The following WDHD1 variants were observed in gnomAD, a reference collection of about 807,000 sequenced individuals.
WDHD1 encodes WD repeat and HMG-box DNA binding protein 1, also known as WD repeat and HMG-box DNA-binding protein 1.
Under a neutral mutation model 135.4 loss-of-function variants are expected in WDHD1, and 111 were observed. The ratio of observed to expected loss-of-function variants is 0.82; its 90% confidence interval spans 0.70 to 0.96. WDHD1 has a LOEUF of 0.96. Ranked by LOEUF, WDHD1 falls within the 40% of genes least tolerant of loss-of-function variation. WDHD1 has a pLI of 0.00. For missense variants in WDHD1, 1,351 were observed against 1,336.3 expected (o/e 1.01, Z -0.17); for synonymous variants, 434 against 439.0 (o/e 0.99, Z 0.14).
chr14:54,973,220 T>C (rs531676517), intron 16 of WDHD1, among the ~76,000 whole-genome samples: 104 of 152,272 alleles, frequency 6.8e-4, no homozygotes, highest in African/African-American at 2.1e-3. Flanking sequence ...ATTTATAGTA[T>C]AGCCTTTTAA....
intron 11 of WDHD1, among the ~76,000 whole-genome samples, chr14:54,992,043 C>A (rs558053775): frequency 6.6e-6 from 1 of 152,116 alleles, no homozygotes; most frequent in Non-Finnish European, 1.5e-5. Flanking sequence ...CACTTAAGGT[C>A]GGGAGTTCCA....
At chr14:54,968,601 T>G (rs1291859669) in intron 16 of WDHD1, among the ~76,000 whole-genome samples, 1 of 151,772 alleles carries the variant, frequency 6.6e-6, no homozygotes, top group Non-Finnish European at 1.5e-5. Flanking sequence ...ATAAACAAGA[T>G]CGATAAACTC....
At chr14:54,980,357 T>G in intron 16 of WDHD1, among the ~76,000 whole-genome samples, 1 of 151,910 alleles carries the variant, frequency 6.6e-6, no homozygotes, top group East Asian at 1.9e-4. Flanking sequence ...GTGGTTTTTT[T>G]GTATATTCAC....
At chr14:54,961,840 C>CT (rs548999730) in intron 21 of WDHD1, among the ~76,000 whole-genome samples, 13,346 of 143,128 alleles carry the variant, frequency 0.093, 701 homozygotes, top group South Asian at 0.16. Flanking sequence ...TTTTCAACTC[C>CT]TTTTTTTTTT....
chr14:54,955,516 A>G (rs2041137656), intron 24 of WDHD1, 45 bp downstream of exon 24: 4 of 1,454,974 alleles, frequency 2.7e-6, no homozygotes, highest in Non-Finnish European at 3.6e-6. Context: ...GCTACTGTAT[A>G]CTTTTTACTT....
At chr14:55,012,179 AATGT>A (rs1444179235) in intron 3 of WDHD1, among the ~76,000 whole-genome samples, 3 of 152,208 alleles carry the variant, frequency 2.0e-5, no homozygotes, top group Non-Finnish European at 4.4e-5. Flanking sequence ...GCTTACATTT[AATGT>A]ATGTTGGTCA....
chr14:55,018,854 T>C (rs941536930), intron 2 of WDHD1, among the ~76,000 whole-genome samples: 1 of 151,894 alleles, frequency 6.6e-6, no homozygotes, highest in Non-Finnish European at 1.5e-5. Flanking sequence ...AGAAACCCCA[T>C]CTCTACTAAA....
chr14:55,013,194 C>CAAAAAAAAA lies in WDHD1; in HGVS notation c.189+282_189+290dup, dbSNP rs71448422. Among the ~76,000 whole-genome samples the CAAAAAAAAA allele has an allele frequency of 2.6e-3, 214 of 82,310 alleles. 10 individuals carry two copies. Among genetic ancestry groups the CAAAAAAAAA allele is most frequent in the African/African-American group, 0.011 (205 of 19,316 alleles). The allele number at this position is 82,310 out of a possible 152,430, so 54.0% of individuals were successfully genotyped here. A position where few individuals can be genotyped will look rare whatever the true frequency, so the allele number is the denominator to read the frequency against. ...TGAGCAACATGGCAAGATCCCGTTT[C>CAAAAAAAAA]AAAAAAAAAAAAAAAAAAAAAAAAT... is the stretch of plus-strand genomic sequence containing the variant. On this transcript the variant is annotated intron_variant, in intron 3 of 25. Coordinates refer to ENST00000360586, the MANE Select transcript of WDHD1 (RefSeq NM_007086.4).
At chr14:54,968,005 A>C (rs894848919) in intron 16 of WDHD1, among the ~76,000 whole-genome samples, 8 of 152,200 alleles carry the variant, frequency 5.3e-5, no homozygotes, top group Non-Finnish European at 1.0e-4. Flanking sequence ...CACTTTTAAA[A>C]CATAAAAATT....
chr14:55,023,541 T>C (rs947684127), intron 2 of WDHD1, among the ~76,000 whole-genome samples: 1 of 152,362 alleles, frequency 6.6e-6, no homozygotes, highest in South Asian at 2.1e-4. Context: ...CTTAGGAGTA[T>C]GTCCAGCATC....
chr14:54,982,919 C>T (rs1023575897), intron 15 of WDHD1, among the ~76,000 whole-genome samples: 3 of 152,148 alleles, frequency 2.0e-5, no homozygotes, highest in Admixed American at 6.5e-5. Context: ...AATCCCAGCA[C>T]TTTGAGAGGC....
At chr14:55,026,616 C>T (rs1594604389) in intron 2 of WDHD1, 95 bp downstream of exon 2, 1 of 1,194,480 alleles carries the variant, frequency 8.4e-7, no homozygotes, top group East Asian at 2.3e-5. Flanking sequence ...ATTCCTCTAT[C>T]CGCATGAGTC....
At chr14:54,967,152 G>T (rs2041357926) in intron 17 of WDHD1, 128 bp downstream of exon 17, 2 of 743,946 alleles carry the variant, frequency 2.7e-6, no homozygotes, top group Middle Eastern at 3.2e-4. Flanking sequence ...TTCCCTCCCT[G>T]CTACCCCTAT....
At chr14:54,963,830 G>C (rs2041297302) in intron 18 of WDHD1, among the ~76,000 whole-genome samples, 1 of 151,848 alleles carries the variant, frequency 6.6e-6, no homozygotes, top group Admixed American at 6.6e-5. Flanking sequence ...AAATCAAGGG[G>C]GCCAGGTGTG....
chr14:54,962,924 A>T (rs2041276427), intron 19 of WDHD1, 28 bp downstream of exon 19: 2 of 1,612,810 alleles, frequency 1.2e-6, no homozygotes, highest in South Asian at 2.2e-5. Context: ...CAGTAAAGGA[A>T]AATTCAAACA....
intron 2 of WDHD1, among the ~76,000 whole-genome samples, chr14:55,019,971 G>A (rs770000104): frequency 2.6e-5 from 4 of 152,072 alleles, no homozygotes; most frequent in Non-Finnish European, 4.4e-5. Context: ...GATTACCAAC[G>A]CATTTCTTAC....
intron 11 of WDHD1, among the ~76,000 whole-genome samples, chr14:54,994,936 C>T (rs2041852918): frequency 6.6e-6 from 1 of 152,008 alleles, no homozygotes; most frequent in African/African-American, 2.4e-5. Context: ...TAATTTGTGT[C>T]TTCTCTTTAT....
chr14:54,998,957 C>A (rs527905491), intron 10 of WDHD1, among the ~76,000 whole-genome samples: 1 of 152,296 alleles, frequency 6.6e-6, no homozygotes, highest in Admixed American at 6.5e-5. Flanking sequence ...CTCCCAATAA[C>A]CCCAAGTGGT....
chr14:54,992,144 T>C (rs1048524521), intron 11 of WDHD1, among the ~76,000 whole-genome samples: 1 of 150,582 alleles, frequency 6.6e-6, no homozygotes, highest in African/African-American at 2.5e-5. Flanking sequence ...TGTAATCCCA[T>C]CTACTCGGGA....
Sources: allele counts gnomAD v4.1 joint callset (sites outside exome capture counted in the v4.1 genomes callset), GRCh38; gene constraint gnomAD v4.1.1; transcripts MANE v1.5; gene names NCBI Gene and HGNC (gene_info 2026-07-23, HGNC 2026-07-21).